The following MID1 variants were observed in gnomAD, a reference collection of about 807,000 sequenced individuals.
The protein encoded by MID1 is midline 1.
MID1 carries 7 observed loss-of-function variants against 40.4 expected under a neutral mutation model. The observed-to-expected ratio is 0.17, with a 90% confidence interval of 0.10 to 0.33. The LOEUF is 0.33. MID1 is among the 10% of genes least tolerant of loss of function. MID1 has a pLI of 1.00. For synonymous variants in MID1, 229 were observed against 221.2 expected (o/e 1.04, Z -0.31); for missense variants, 367 against 558.5 (o/e 0.66, Z 3.46).
At chrX:10,651,348 C>A (rs1039016775) in intron 1 of MID1, among the ~76,000 whole-genome samples, 7 of 111,877 alleles carry the variant, frequency 6.3e-5, no homozygotes, top group African/African-American at 2.3e-4. Context: ...ATCAGGGTAA[C>A]CAAGATGGAG....
At chrX:10,737,166 A>T (rs960026292) in intron 1 of MID1, among the ~76,000 whole-genome samples, 5 of 112,406 alleles carry the variant, frequency 4.4e-5, no homozygotes, top group African/African-American at 1.6e-4. Context: ...AGAAAGAGCT[A>T]ATGAAAACCT....
chrX:10,559,531 A>T (rs1281820832), intron 2 of MID1, among the ~76,000 whole-genome samples: 6 of 112,831 alleles, frequency 5.3e-5, no homozygotes, highest in Non-Finnish European at 1.1e-4. Context: ...CACAAAGAAC[A>T]TCATACGTGG....
chrX:10,522,182 G>A (rs1222620374), intron 3 of MID1, among the ~76,000 whole-genome samples: 1 of 111,923 alleles, frequency 8.9e-6, no homozygotes, highest in African/African-American at 3.3e-5. Context: ...AGTGAGGTAA[G>A]GCTGGAGTAG....
chrX:10,607,172 G>A (rs949236022), intron 1 of MID1, among the ~76,000 whole-genome samples: 2 of 112,166 alleles, frequency 1.8e-5, no homozygotes, highest in Non-Finnish European at 3.8e-5. Flanking sequence ...ATGAACAGGT[G>A]GGCACCAAAA....
At chrX:10,821,251 C>T (rs1017045387) in intron 1 of MID1, among the ~76,000 whole-genome samples, 1 of 112,271 alleles carries the variant, frequency 8.9e-6, no homozygotes, top group Admixed American at 9.4e-5. Flanking sequence ...AGCTATCATT[C>T]ACTGCCTAAG....
chrX:10,717,431 G>C (rs1233920371), intron 1 of MID1, among the ~76,000 whole-genome samples: 2 of 108,059 alleles, frequency 1.9e-5, no homozygotes, highest in Non-Finnish European at 3.8e-5. Context: ...AACCAACAAA[G>C]ATCAAAAGAG....
chrX:10,819,203 G>A (rs959504071), intron 1 of MID1, among the ~76,000 whole-genome samples: 3 of 109,728 alleles, frequency 2.7e-5, no homozygotes, highest in African/African-American at 1.0e-4. Flanking sequence ...GTGCACATGC[G>A]TGAGAAAGAC....
chrX:10,452,973 CATTA>C (rs1353226869), intron 9 of MID1, among the ~76,000 whole-genome samples: 2 of 111,829 alleles, frequency 1.8e-5, no homozygotes. Flanking sequence ...TAATACAGCA[CATTA>C]ATTAACTAGA....
chrX:10,730,075 C>A (rs1298594371), intron 1 of MID1, among the ~76,000 whole-genome samples: 1 of 101,307 alleles, frequency 9.9e-6, no homozygotes, highest in African/African-American at 3.7e-5. Flanking sequence ...CAGAGCGAGA[C>A]TCCATCTCAA....
At chrX:10,499,142 TG>T (rs1931415968) in intron 3 of MID1, among the ~76,000 whole-genome samples, 1 of 111,846 alleles carries the variant, frequency 8.9e-6, no homozygotes, top group South Asian at 3.7e-4. Flanking sequence ...TTATTTTTAG[TG>T]GGTGTGAAGT....
chrX:10,732,985 T>C (rs1180077725), intron 1 of MID1, among the ~76,000 whole-genome samples: 2 of 108,031 alleles, frequency 1.9e-5, no homozygotes, highest in African/African-American at 6.7e-5. Context: ...TGTCTCAGCC[T>C]CCCGAGTAGC....
intron 6 of MID1, among the ~76,000 whole-genome samples, chrX:10,470,370 G>T (rs940529950): frequency 1.7e-4 from 19 of 111,690 alleles, no homozygotes; most frequent in African/African-American, 6.2e-4. Flanking sequence ...GGTCAGATTT[G>T]GGCTGTAACC....
At chrX:10,590,075 T>G (rs111894772) in intron 1 of MID1, among the ~76,000 whole-genome samples, 6 of 110,493 alleles carry the variant, frequency 5.4e-5, no homozygotes, top group Non-Finnish European at 1.1e-4. Context: ...CTGCATGCAC[T>G]GGTGGTTAGA....
chrX:10,610,798 T>C (rs919938194), intron 1 of MID1, among the ~76,000 whole-genome samples: 1 of 111,800 alleles, frequency 8.9e-6, no homozygotes, highest in African/African-American at 3.3e-5. Flanking sequence ...GGATCAGACA[T>C]GGAATATAAT....
chrX:10,786,602 A>G (rs1331439492), intron 1 of MID1, among the ~76,000 whole-genome samples: 2 of 111,149 alleles, frequency 1.8e-5, no homozygotes, highest in African/African-American at 3.3e-5. Flanking sequence ...GATGAAAAAA[A>G]TGTGGCCCAT....
At chrX:10,666,188 G>A (rs968540562) in intron 1 of MID1, among the ~76,000 whole-genome samples, 6 of 109,735 alleles carry the variant, frequency 5.5e-5, no homozygotes, top group Non-Finnish European at 1.1e-4. Flanking sequence ...AGAGAACAGG[G>A]AAAGCAGAGA....
At chrX:10,666,551 A>C (rs1191035277) in intron 1 of MID1, among the ~76,000 whole-genome samples, 1 of 111,806 alleles carries the variant, frequency 8.9e-6, no homozygotes, top group African/African-American at 3.3e-5. Flanking sequence ...AGTAAATTGG[A>C]TATGGAGGTA....
At chrX:10,730,112 A>G (rs767518934) in intron 1 of MID1, among the ~76,000 whole-genome samples, 1 of 109,565 alleles carries the variant, frequency 9.1e-6, no homozygotes, top group South Asian at 3.9e-4. Flanking sequence ...AAATGAATAA[A>G]TAAATAAATA....
At chrX:10,635,008 A>T (rs113384662) in intron 1 of MID1, among the ~76,000 whole-genome samples, 3 of 112,460 alleles carry the variant, frequency 2.7e-5, no homozygotes, top group African/African-American at 9.7e-5. Context: ...CTCGAATGTG[A>T]TATTCAGGAA....
Sources: allele counts gnomAD v4.1 joint callset (sites outside exome capture counted in the v4.1 genomes callset), GRCh38; gene constraint gnomAD v4.1.1; transcripts MANE v1.5; gene names NCBI Gene and HGNC (gene_info 2026-07-23, HGNC 2026-07-21).